Variants in CDH12 observed in about 807,000 individuals in gnomAD.
The protein encoded by CDH12 is cadherin-12.
CDH12 carries 41 observed loss-of-function variants against 74.1 expected under a neutral mutation model. The ratio of observed to expected loss-of-function variants is 0.55; its 90% confidence interval spans 0.43 to 0.72. The LOEUF (loss-of-function observed/expected upper bound fraction) is 0.72. CDH12 is among the 30% of genes least tolerant of loss of function. The pLI is 0.00. For synonymous variants in CDH12, 399 were observed against 355.0 expected, an observed-to-expected ratio of 1.12 and a Z score of -1.39; for missense variants, 945 against 977.2, an observed-to-expected ratio of 0.97 and a Z score of 0.44.
intron 1 of CDH12, among the ~76,000 whole-genome samples, chr5:22,806,384 G>A (rs1373807251): frequency 1.5e-5 from 2 of 134,392 alleles, no homozygotes; most frequent in Non-Finnish European, 3.1e-5. Flanking sequence ...ATGGAGTCTC[G>A]CTCTGTGGCC....
chr5:22,270,279 C>T (rs1048709846), intron 3 of CDH12, among the ~76,000 whole-genome samples: 2 of 152,092 alleles, frequency 1.3e-5, no homozygotes, highest in Non-Finnish European at 2.9e-5. Flanking sequence ...ATAGTTTATG[C>T]CCTGATACCA....
chr5:21,904,994 T>C (rs1753569458), intron 6 of CDH12, among the ~76,000 whole-genome samples: 1 of 152,184 alleles, frequency 6.6e-6, no homozygotes, highest in Non-Finnish European at 1.5e-5. Context: ...CAAGGTGATG[T>C]ACAGGAAAGA....
rs528166735 is a variant in CDH12 at position 22,498,462 on chromosome 5, G to T, written c.-428+6808C>A. ...CATATTTGAGTAAATTAATCCACGAGTCTATAATCCATCCCCCTACTGATA... is the reference window on the plus strand; with the variant it reads ...CATATTTGAGTAAATTAATCCACGATTCTATAATCCATCCCCCTACTGATA... On this transcript the variant is annotated intron_variant, in intron 2 of 14. Coordinates refer to ENST00000382254, the MANE Select transcript of CDH12 (RefSeq NM_004061.5). Among the ~76,000 whole-genome samples the T allele has an allele frequency of 2.0e-5, 3 of 151,968 alleles. No individual in the cohort carries two copies. In the East Asian group the frequency reaches 5.8e-4, roughly 29 times the overall value.
intron 3 of CDH12, among the ~76,000 whole-genome samples, chr5:22,246,787 T>G (rs1752958218): frequency 6.6e-6 from 1 of 152,178 alleles, no homozygotes; most frequent in Non-Finnish European, 1.5e-5. Flanking sequence ...ATGAAAGTAT[T>G]TCAAGATGTA....
chr5:22,776,216 A>G (rs572577536), intron 1 of CDH12, among the ~76,000 whole-genome samples: 1 of 152,268 alleles, frequency 6.6e-6, no homozygotes, highest in South Asian at 2.1e-4. Flanking sequence ...TTACATAGTA[A>G]ACTTGCACAC....
chr5:22,171,617 T>C (rs1749032638), intron 4 of CDH12, among the ~76,000 whole-genome samples: 1 of 151,932 alleles, frequency 6.6e-6, no homozygotes. Flanking sequence ...ATGCCAATGA[T>C]ATATCCCCAC....
chr5:22,352,772 C>A (rs1308214261), intron 3 of CDH12, among the ~76,000 whole-genome samples: 1 of 152,174 alleles, frequency 6.6e-6, no homozygotes, highest in East Asian at 1.9e-4. Context: ...AACCCTCTGA[C>A]ATATGGACAT....
At chr5:22,605,508 T>C (rs749531856) in intron 1 of CDH12, among the ~76,000 whole-genome samples, 2 of 152,150 alleles carry the variant, frequency 1.3e-5, no homozygotes, top group Non-Finnish European at 2.9e-5. Context: ...TCCCTTAGAA[T>C]TCTGTTTCCC....
At chr5:22,460,215 T>C (rs1185381247) in intron 2 of CDH12, among the ~76,000 whole-genome samples, 4 of 152,186 alleles carry the variant, frequency 2.6e-5, no homozygotes, top group Non-Finnish European at 5.9e-5. Context: ...TTACCTGTAA[T>C]ATAATTTATT....
intron 2 of CDH12, among the ~76,000 whole-genome samples, chr5:22,449,789 T>C (rs1744971911): frequency 6.6e-6 from 1 of 152,042 alleles, no homozygotes; most frequent in African/African-American, 2.4e-5. Context: ...ATATGGAATA[T>C]AAATTACTTC....
intron 1 of CDH12, among the ~76,000 whole-genome samples, chr5:22,742,714 T>C (rs1689268910): frequency 6.7e-6 from 1 of 149,358 alleles, no homozygotes; most frequent in South Asian, 2.1e-4. Flanking sequence ...AGTACATTTA[T>C]ATATTATATA....
chr5:21,928,971 A>G (rs1216689719), intron 6 of CDH12, among the ~76,000 whole-genome samples: 1 of 152,110 alleles, frequency 6.6e-6, no homozygotes, highest in Non-Finnish European at 1.5e-5. Flanking sequence ...TTGCTCTTCC[A>G]TAAATGACCA....
chr5:22,470,032 TG>T (rs1356269898), intron 2 of CDH12, among the ~76,000 whole-genome samples: 1 of 152,198 alleles, frequency 6.6e-6, no homozygotes, highest in Non-Finnish European at 1.5e-5. Context: ...TGAAATCTGC[TG>T]AGTTAACCCT....
chr5:22,731,519 C>G (rs565739013), intron 1 of CDH12, among the ~76,000 whole-genome samples: 2 of 151,926 alleles, frequency 1.3e-5, no homozygotes, highest in South Asian at 4.2e-4. Context: ...CTTTCATTTA[C>G]TATAAGACAA....
chr5:22,521,402 T>C (rs548883768), intron 1 of CDH12, among the ~76,000 whole-genome samples: 1 of 152,034 alleles, frequency 6.6e-6, no homozygotes, highest in Non-Finnish European at 1.5e-5. Context: ...ATAGAAAGTA[T>C]ATTAAAATTG....
chr5:21,902,948 C>T (rs1240520686), intron 6 of CDH12, among the ~76,000 whole-genome samples: 7 of 151,822 alleles, frequency 4.6e-5, no homozygotes, highest in African/African-American at 7.3e-5. Context: ...AATAAGACTG[C>T]GCATTCAAAT....
intron 4 of CDH12, among the ~76,000 whole-genome samples, chr5:22,115,342 T>C (rs931378321): frequency 6.6e-6 from 1 of 152,172 alleles, no homozygotes; most frequent in African/African-American, 2.4e-5. Context: ...TCTTAATGTT[T>C]TCAGAACATT....
At chr5:21,816,229 T>C (rs779872815) in intron 9 of CDH12, among the ~76,000 whole-genome samples, 1 of 152,172 alleles carries the variant, frequency 6.6e-6, no homozygotes, top group Non-Finnish European at 1.5e-5. Flanking sequence ...GATGAAGACC[T>C]TTATGATGAT....
chr5:22,018,866 G>T (rs1372510419), intron 5 of CDH12, among the ~76,000 whole-genome samples: 2 of 152,118 alleles, frequency 1.3e-5, no homozygotes, highest in African/African-American at 2.4e-5. Flanking sequence ...GAGGTCAGGA[G>T]TTCAAGACCA....
Sources: allele counts gnomAD v4.1 joint callset (sites outside exome capture counted in the v4.1 genomes callset), GRCh38; gene constraint gnomAD v4.1.1; transcripts MANE v1.5; gene names NCBI Gene and HGNC (gene_info 2026-07-23, HGNC 2026-07-21).